The following HRH1 variants were observed in gnomAD, a reference collection of about 807,000 sequenced individuals.
HRH1 encodes histamine H1 receptor.
In HRH1, 6 loss-of-function variants were observed where a neutral mutation model predicts 10.3. That is an observed-to-expected ratio of 0.58 (90% CI 0.32 to 1.15). The LOEUF (loss-of-function observed/expected upper bound fraction) is 1.15. Among genes scored for constraint, HRH1 ranks in the 50% most tolerant of loss-of-function variants. HRH1 has a pLI of 0.05. For missense variants in HRH1, 514 were observed against 615.3 expected, an observed-to-expected ratio of 0.84 and a Z score of 1.74; for synonymous variants, 242 against 236.7, an observed-to-expected ratio of 1.02 and a Z score of -0.21.
chr3:11,173,388 G>T (rs966122243), intron 1 of HRH1, among the ~76,000 whole-genome samples: 1 of 147,184 alleles, frequency 6.8e-6, no homozygotes, highest in African/African-American at 2.6e-5. Flanking sequence ...ATATATATAT[G>T]GGGTTTTTTT....
intron 1 of HRH1, among the ~76,000 whole-genome samples, chr3:11,211,633 G>A (rs950757922): frequency 4.6e-5 from 7 of 152,164 alleles, no homozygotes; most frequent in Non-Finnish European, 7.3e-5. Context: ...GCAAATGCTC[G>A]GCAGAGTCCA....
At chr3:11,140,554 C>A (rs2124991138) in intron 1 of HRH1, among the ~76,000 whole-genome samples, 1 of 152,290 alleles carries the variant, frequency 6.6e-6, no homozygotes, top group South Asian at 2.1e-4. Context: ...CTCCCAGGCA[C>A]CATCCTCTCC....
chr3:11,137,614 G>C (rs925688980), intron 1 of HRH1, among the ~76,000 whole-genome samples: 3 of 152,144 alleles, frequency 2.0e-5, no homozygotes, highest in African/African-American at 7.2e-5. Context: ...ATCATGGGCT[G>C]TGATGGCTGA....
chr3:11,208,146 G>A (rs1938203530), intron 1 of HRH1, among the ~76,000 whole-genome samples: 2 of 143,266 alleles, frequency 1.4e-5, no homozygotes, highest in Non-Finnish European at 3.0e-5. Context: ...ATTGACTCCA[G>A]TTTTTTCTTT....
At chr3:11,177,057 C>T (rs1176723270) in intron 1 of HRH1, among the ~76,000 whole-genome samples, 1 of 151,384 alleles carries the variant, frequency 6.6e-6, no homozygotes, top group Non-Finnish European at 1.5e-5. Context: ...TGCGCCACTG[C>T]ACTCCAGCCT....
chr3:11,216,755 C>T (rs920751546), intron 1 of HRH1, among the ~76,000 whole-genome samples: 19 of 152,182 alleles, frequency 1.2e-4, no homozygotes, highest in Admixed American at 3.3e-4. Context: ...TGGCATGTGC[C>T]TGTGATCCCA....
intron 1 of HRH1, among the ~76,000 whole-genome samples, chr3:11,250,670 G>C (rs1005228932): frequency 2.0e-5 from 3 of 152,156 alleles, no homozygotes; most frequent in Admixed American, 6.5e-5. Context: ...CTTTTGTTTC[G>C]AATGTGGGAA....
intron 1 of HRH1, among the ~76,000 whole-genome samples, chr3:11,217,658 CAAT>C (rs1481979545): frequency 6.6e-6 from 1 of 152,114 alleles, no homozygotes; most frequent in Non-Finnish European, 1.5e-5. Context: ...GGTTGCACAA[CAAT>C]ATGAATGTAC....
At chr3:11,202,438 T>A (rs9840885) in intron 1 of HRH1, among the ~76,000 whole-genome samples, 3,806 of 133,478 alleles carry the variant, frequency 0.029, 104 homozygotes, top group Non-Finnish European at 0.033. Flanking sequence ...AAATAAATAA[T>A]TAATTAAAAA....
intron 1 of HRH1, among the ~76,000 whole-genome samples, chr3:11,191,080 C>G (rs933624527): frequency 6.6e-6 from 1 of 152,130 alleles, no homozygotes; most frequent in African/African-American, 2.4e-5. Flanking sequence ...TGGCCAGCAA[C>G]CTCCTTGGCC....
Position 11,260,302 on chromosome 3 carries a change from C to T in HRH1, c.1265C>T (p.Ala422Val), listed in dbSNP as rs199875751. 1.3e-4 allele frequency: 209 copies of T among 1,614,022 alleles called. No homozygotes were observed. The highest frequency in any genetic ancestry group is 1.7e-4 in the Non-Finnish European group (201 of 1,179,996). Residue 422 changes from alanine to valine, a missense_variant, in exon 2 of 2, where the codon GCA (alanine) becomes GTA (valine). Physicochemically the swap from Ala to Val is moderately conservative, Grantham distance 64. Transcript: ENST00000431010. ...GCCAAACAGTTGGGTTTTATCATGG[C>T]AGCCTTCATCCTCTGCTGGATCCCT... The part of the protein sequence containing the change: ...KAAKQLGFIM[A>V]AFILCWIPYF...
intron 1 of HRH1, among the ~76,000 whole-genome samples, chr3:11,257,094 A>G (rs987090121): frequency 6.6e-6 from 1 of 150,774 alleles, no homozygotes; most frequent in Admixed American, 6.6e-5. Flanking sequence ...CTCTACTAAA[A>G]ATACAAAAAT....
chr3:11,233,121 A>G (rs1487370516), intron 1 of HRH1, among the ~76,000 whole-genome samples: 2 of 152,024 alleles, frequency 1.3e-5, no homozygotes, highest in Non-Finnish European at 2.9e-5. Context: ...CAGCTTCTTG[A>G]TTCTATAGAT....
Position 11,192,975 on chromosome 3 carries a change from C to T in HRH1, c.-36+38421C>T, listed in dbSNP as rs538994117. Among the ~76,000 whole-genome samples the T allele has an allele frequency of 2.0e-5, 3 of 152,274 alleles. No individual in the cohort carries two copies. The South Asian group carries it at 6.2e-4, about 32-fold the overall frequency. On this transcript the variant is annotated intron_variant, in intron 1 of 1. Coordinates refer to ENST00000431010, the MANE Select transcript of HRH1 (RefSeq NM_001098212.2). ...TCAGTCAGAGAAGCTATGGCTCAGTCATTATAGACTCAACTGCTTTATCAT... is the reference window on the plus strand; with the variant it reads ...TCAGTCAGAGAAGCTATGGCTCAGTTATTATAGACTCAACTGCTTTATCAT...
chr3:11,183,855 C>CTTTTTT (rs60566877), intron 1 of HRH1, among the ~76,000 whole-genome samples: 7 of 91,934 alleles, frequency 7.6e-5, no homozygotes, highest in South Asian at 3.9e-4. Context: ...GGAAAGCTTG[C>CTTTTTT]TTTTTTTTTT....
chr3:11,163,244 T>C (rs956297062), intron 1 of HRH1, among the ~76,000 whole-genome samples: 1 of 152,060 alleles, frequency 6.6e-6, no homozygotes, highest in Non-Finnish European at 1.5e-5. Context: ...CTTCTCTACC[T>C]CCAGGCAGCC....
intron 1 of HRH1, among the ~76,000 whole-genome samples, chr3:11,257,716 G>T (rs995511839): frequency 3.9e-5 from 6 of 152,154 alleles, no homozygotes; most frequent in African/African-American, 1.4e-4. Context: ...TTCAGATACA[G>T]GATCTTGCCC....
chr3:11,237,280 C>T (rs887844800), intron 1 of HRH1, among the ~76,000 whole-genome samples: 1 of 152,186 alleles, frequency 6.6e-6, no homozygotes, highest in Non-Finnish European at 1.5e-5. Flanking sequence ...CACGTTAGCA[C>T]GGATGTCCAT....
chr3:11,156,256 C>T (rs1013273396), intron 1 of HRH1, among the ~76,000 whole-genome samples: 1 of 152,140 alleles, frequency 6.6e-6, no homozygotes, highest in African/African-American at 2.4e-5. Flanking sequence ...CAGAGAATCC[C>T]GTGGAGGCAG....
Sources: gnomAD v4.1 joint callset for allele counts (sites outside exome capture counted in the v4.1 genomes callset) on GRCh38, gnomAD v4.1.1 for gene constraint, MANE v1.5 for transcripts, NCBI Gene and HGNC (gene_info 2026-07-23, HGNC 2026-07-21) for gene names.